CD226: variants seen among roughly 807,000 people sequenced by gnomAD.
CD226 encodes CD226 molecule.
CD226 carries 24 observed loss-of-function variants against 34.9 expected under a neutral mutation model. That is an observed-to-expected ratio of 0.69 (90% CI 0.50 to 0.97). The LOEUF is 0.97. CD226 is among the 50% of genes least tolerant of loss of function. The pLI, the probability that CD226 is intolerant of heterozygous loss-of-function variation, is 0.00. For synonymous variants in CD226, 148 were observed against 147.4 expected (o/e 1.00, Z -0.03); for missense variants, 397 against 412.7 (o/e 0.96, Z 0.33).
intron 3 of CD226, among the ~76,000 whole-genome samples, chr18:69,886,705 C>CA (rs34119278): frequency 1.3e-3 from 187 of 142,582 alleles, no homozygotes; most frequent in African/African-American, 3.0e-3. Flanking sequence ...GAACCTGTCT[C>CA]AAAAAAAAAA....
chr18:69,910,746 G>T (rs1434559483), intron 2 of CD226, among the ~76,000 whole-genome samples: 1 of 152,182 alleles, frequency 6.6e-6, no homozygotes, highest in Non-Finnish European at 1.5e-5. Flanking sequence ...GGGGAGACTG[G>T]ATAAGGGGTA....
At chr18:69,926,239 G>A (rs145772014) in intron 2 of CD226, among the ~76,000 whole-genome samples, 100 of 152,012 alleles carry the variant, frequency 6.6e-4, no homozygotes, top group African/African-American at 2.3e-3. Context: ...TTATGTTTCA[G>A]GATGATGGGC....
At chr18:69,943,976 T>C (rs924765873) in intron 2 of CD226, among the ~76,000 whole-genome samples, 7 of 148,180 alleles carry the variant, frequency 4.7e-5, no homozygotes, top group African/African-American at 1.7e-4. Flanking sequence ...TCCAAGTCTT[T>C]TTTTTTTTTT....
At chr18:69,882,490 A>T (rs1984322901) in intron 3 of CD226, among the ~76,000 whole-genome samples, 1 of 152,244 alleles carries the variant, frequency 6.6e-6, no homozygotes. Flanking sequence ...AAGTGAGCAC[A>T]TGAGGACAAA....
At chr18:69,929,914 C>A (rs2055569101) in intron 2 of CD226, among the ~76,000 whole-genome samples, 2 of 152,130 alleles carry the variant, frequency 1.3e-5, no homozygotes, top group South Asian at 4.1e-4. Context: ...CTCTCTCTAG[C>A]CTATTGTCTG....
At chr18:69,935,339 G>A (rs1452179750) in intron 2 of CD226, among the ~76,000 whole-genome samples, 1 of 152,178 alleles carries the variant, frequency 6.6e-6, no homozygotes, top group African/African-American at 2.4e-5. Flanking sequence ...CTATAAGGAA[G>A]TTTCCCAGAG....
intron 2 of CD226, among the ~76,000 whole-genome samples, chr18:69,929,701 T>G (rs979782434): frequency 1.3e-5 from 2 of 152,138 alleles, no homozygotes; most frequent in African/African-American, 4.8e-5. Flanking sequence ...AGAGCTTCAC[T>G]TGGATGTCTA....
rs1451458336 is a variant in CD226 at position 69,860,883 on chromosome 18, T to C, written c.*3431A>G. 6.6e-6 allele frequency: 1 copy of C among 152,150 alleles called. No individual in the cohort carries two copies. Among genetic ancestry groups the C allele is most frequent in the African/African-American group, 2.4e-5 (1 of 41,460 alleles). The allele number at this position is 152,150 out of a possible 1,614,324, so 9.4% of individuals were successfully genotyped here. A position where few individuals can be genotyped will look rare whatever the true frequency, so the allele number is the denominator to read the frequency against. ...CACTTACACTTTATAAGCATCTTTATAATATCGTCAATCTTGCTGAAATTT... is the reference window on the plus strand; with the variant it reads ...CACTTACACTTTATAAGCATCTTTACAATATCGTCAATCTTGCTGAAATTT... On this transcript the variant is annotated 3_prime_UTR_variant, in exon 6 of 6. Coordinates refer to ENST00000582621, the MANE Select transcript of CD226 (RefSeq NM_001303618.2).
Position 69,860,798 on chromosome 18 carries a change from A to T in CD226, c.*3516T>A, listed in dbSNP as rs1004925951. ...ATGTTTATATTGTCTTATATTTTTT[A>T]AAGATATTTTCTTATCACTGTTGTG... On this transcript the variant is annotated 3_prime_UTR_variant, in exon 6 of 6. Transcript: ENST00000582621. 1 of 152,166 alleles carries T rather than the reference A, an allele frequency of 6.6e-6. No individual in the cohort carries two copies. The highest frequency in any genetic ancestry group is 2.4e-5 in the African/African-American group (1 of 41,468). 9.4% of individuals were successfully genotyped at this position (152,166 alleles called of 1,614,324 possible).
chr18:69,936,176 A>G (rs554031190), intron 2 of CD226, among the ~76,000 whole-genome samples: 1 of 152,288 alleles, frequency 6.6e-6, no homozygotes, highest in African/African-American at 2.4e-5. Context: ...ATTGAATTCA[A>G]TTGTGTATAT....
intron 4 of CD226, among the ~76,000 whole-genome samples, chr18:69,871,560 T>C (rs941065041): frequency 7.2e-5 from 11 of 152,196 alleles, no homozygotes; most frequent in African/African-American, 2.7e-4. Flanking sequence ...TGATTCCAGA[T>C]GGTGACATCA....
intron 2 of CD226, among the ~76,000 whole-genome samples, chr18:69,897,627 TAGAG>T (rs10580771): frequency 0.12 from 13,602 of 117,212 alleles, 650 homozygotes; most frequent in South Asian, 0.21. Flanking sequence ...AAAAAAGAAA[TAGAG>T]AAAGAGAGAA....
At chr18:69,893,302 AGAGTTTGAC>A (rs1487773590) in intron 3 of CD226, among the ~76,000 whole-genome samples, 1 of 152,236 alleles carries the variant, frequency 6.6e-6, no homozygotes, top group East Asian at 1.9e-4. Flanking sequence ...TTTCATTGGC[AGAGTTTGAC>A]GCTGTTTATA....
intron 2 of CD226, among the ~76,000 whole-genome samples, chr18:69,931,779 C>T (rs2055592288): frequency 2.0e-5 from 3 of 152,194 alleles, no homozygotes; most frequent in Admixed American, 6.5e-5. Context: ...CTGCTTTATC[C>T]CCACTTAAGC....
intron 2 of CD226, among the ~76,000 whole-genome samples, chr18:69,900,602 G>A (rs1462004023): frequency 1.3e-5 from 2 of 150,742 alleles, no homozygotes; most frequent in Admixed American, 1.3e-4. Flanking sequence ...CGCGGTGGCG[G>A]GCGCCTGTAG....
chr18:69,894,635 G>C (rs1985159385), intron 3 of CD226, among the ~76,000 whole-genome samples: 1 of 86,762 alleles, frequency 1.2e-5, no homozygotes, highest in Non-Finnish European at 2.4e-5. Context: ...GGGGAGGGGA[G>C]GAGGGGAGGG....
At chr18:69,915,658 A>G (rs2055376918) in intron 2 of CD226, among the ~76,000 whole-genome samples, 1 of 151,742 alleles carries the variant, frequency 6.6e-6, no homozygotes, top group African/African-American at 2.4e-5. Flanking sequence ...CTCACTACAC[A>G]CTCTTTTTCT....
intron 3 of CD226, among the ~76,000 whole-genome samples, chr18:69,882,782 G>A (rs963254230): frequency 2.0e-5 from 3 of 152,340 alleles, no homozygotes; most frequent in Admixed American, 2.0e-4. Context: ...TCCTGCCTCA[G>A]CCTCCCAAGT....
chr18:69,955,056 C>A (rs2055885001), intron 1 of CD226, among the ~76,000 whole-genome samples: 1 of 152,108 alleles, frequency 6.6e-6, no homozygotes, highest in Non-Finnish European at 1.5e-5. Flanking sequence ...TCTCAGCTAA[C>A]CACATGAGCA....
Sources: allele counts gnomAD v4.1 joint callset (sites outside exome capture counted in the v4.1 genomes callset), GRCh38; gene constraint gnomAD v4.1.1; transcripts MANE v1.5; gene names NCBI Gene and HGNC (gene_info 2026-07-23, HGNC 2026-07-21).